The following PIAS2 variants were observed in gnomAD, a reference collection of about 807,000 sequenced individuals.
PIAS2 encodes protein inhibitor of activated STAT 2.
In PIAS2, 19 loss-of-function variants were observed where a neutral mutation model predicts 69.7. The observed-to-expected ratio is 0.27, with a 90% CI of 0.19 to 0.40. The LOEUF is 0.40. Ranked by LOEUF, PIAS2 falls within the 10% of genes least tolerant of loss-of-function variation. PIAS2 has a pLI of 1.00. For missense variants in PIAS2, 624 were observed against 757.0 expected (o/e 0.82, Z 2.06); for synonymous variants, 261 against 263.2 (o/e 0.99, Z 0.08).
chr18:46,915,788 T>C (rs567644831), intron 1 of PIAS2, among the ~76,000 whole-genome samples: 301 of 140,086 alleles, frequency 2.1e-3, no homozygotes, highest in Middle Eastern at 3.7e-3. Context: ...AAGTTTTCAT[T>C]AACAAAAAAA....
In PIAS2 at chr18:46,815,304, A is replaced by C; in HGVS notation, c.1686+8T>G. Reference sequence around the variant, plus strand: ...TACAAATTAGTTGCTTAAATTCAGGATACATACCTGGGGATCAACTGGAAT... The same window carrying C: ...TACAAATTAGTTGCTTAAATTCAGGCTACATACCTGGGGATCAACTGGAAT... On this transcript the variant is annotated splice_region_variant and intron_variant, in intron 13 of 13. Transcript: ENST00000585916. 6.2e-7 allele frequency: 1 copy of C among 1,610,168 alleles called. No individual in the cohort carries two copies. Among genetic ancestry groups the C allele is most frequent in the Non-Finnish European group, 8.5e-7 (1 of 1,176,896 alleles).
intron 2 of PIAS2, among the ~76,000 whole-genome samples, chr18:46,884,591 T>C (rs1269563896): frequency 6.6e-6 from 1 of 151,790 alleles, no homozygotes; most frequent in Non-Finnish European, 1.5e-5. Flanking sequence ...GGATTACAGA[T>C]GTGAGCCACC....
At chr18:46,862,080 C>T (rs888904703) in intron 3 of PIAS2, among the ~76,000 whole-genome samples, 2 of 152,006 alleles carry the variant, frequency 1.3e-5, no homozygotes, top group African/African-American at 4.8e-5. Flanking sequence ...GCCTGTAATC[C>T]CAGCACTTTG....
At chr18:46,830,253 G>GA (rs1341521806) in intron 9 of PIAS2, among the ~76,000 whole-genome samples, 1 of 151,846 alleles carries the variant, frequency 6.6e-6, no homozygotes, top group African/African-American at 2.4e-5. Flanking sequence ...TTAACTTCGA[G>GA]AAAAAAGGAT....
intron 12 of PIAS2, chr18:46,817,233 C>A: frequency 1.0e-6 from 1 of 981,368 alleles, no homozygotes. Flanking sequence ...GTAACTGAAA[C>A]CTTTTTATAA....
chr18:46,832,399 G>T (rs2043772317), intron 9 of PIAS2, among the ~76,000 whole-genome samples: 2 of 151,672 alleles, frequency 1.3e-5, no homozygotes, highest in African/African-American at 4.9e-5. Context: ...CTGGGCGACA[G>T]AGCGAAACTC....
At chr18:46,852,567 T>C (rs2047123427) in intron 5 of PIAS2, 1 of 152,274 alleles carries the variant, frequency 6.6e-6, no homozygotes, top group East Asian at 1.9e-4. Context: ...AGTGGGTGCT[T>C]TGGGACAGAA....
chr18:46,860,518 A>C (rs187321683), intron 3 of PIAS2, among the ~76,000 whole-genome samples: 1 of 152,322 alleles, frequency 6.6e-6, no homozygotes, highest in East Asian at 1.9e-4. Flanking sequence ...AGAGCGCTCA[A>C]AGTGGGTTTC....
At position 46,902,993 on chromosome 18, in the gene PIAS2, A is replaced by G. The variant is rs1225573512; in HGVS notation, c.25-11939T>C. Among the ~76,000 whole-genome samples the G allele has an allele frequency of 2.6e-5, 4 of 152,374 alleles. No homozygotes were observed. The East Asian group carries it at 7.7e-4, about 29-fold the overall frequency. On this transcript the variant is annotated intron_variant, in intron 1 of 13. Transcript: ENST00000585916. Reference sequence around the variant, plus strand: ...ACAGCCTTTCAATATATGGTGCTGGATCAACTGGACACCCATAGACAGAAA... The same window carrying G: ...ACAGCCTTTCAATATATGGTGCTGGGTCAACTGGACACCCATAGACAGAAA...
rs538757387 is a variant in PIAS2, at chr18:46,808,789, G to A, written c.*3644C>T. 8.0e-6 allele frequency: 1 copy of A among 124,730 alleles called. No homozygotes were observed. The highest frequency in any genetic ancestry group is 1.7e-5 in the Non-Finnish European group (1 of 58,856). The allele number at this position is 124,730 out of a possible 1,614,324, so 7.7% of individuals were successfully genotyped here. A position where few individuals can be genotyped will look rare whatever the true frequency, so the allele number is the denominator to read the frequency against. On this transcript the variant is annotated 3_prime_UTR_variant, in exon 14 of 14. Transcript: ENST00000585916. ...CAGGAAAAATTAAGAAAATAAAAAT[G>A]TTTACTAAAGAAAGAATGGTCCGGC...
intron 1 of PIAS2, among the ~76,000 whole-genome samples, chr18:46,893,074 T>G (rs1817927066): frequency 6.6e-6 from 1 of 152,154 alleles, no homozygotes; most frequent in South Asian, 2.1e-4. Flanking sequence ...CAATGTGTGT[T>G]ACCTCTACAG....
intron 11 of PIAS2, among the ~76,000 whole-genome samples, chr18:46,826,299 T>C (rs1381495028): frequency 6.6e-6 from 1 of 152,224 alleles, no homozygotes; most frequent in Non-Finnish European, 1.5e-5. Flanking sequence ...TGTCGCCCAC[T>C]GTGTATGTGC....
chr18:46,856,270 C>G (rs1256633127), intron 3 of PIAS2, among the ~76,000 whole-genome samples: 1 of 151,926 alleles, frequency 6.6e-6, no homozygotes, highest in Non-Finnish European at 1.5e-5. Context: ...CAAAGTGTCT[C>G]ATTACAGGCA....
intron 2 of PIAS2, among the ~76,000 whole-genome samples, chr18:46,884,177 T>C (rs1047713296): frequency 1.3e-5 from 2 of 152,160 alleles, no homozygotes; most frequent in African/African-American, 2.4e-5. Flanking sequence ...TTTCAGAAAG[T>C]AGCAGCTTCA....
chr18:46,901,428 A>C (rs536835102), intron 1 of PIAS2, among the ~76,000 whole-genome samples: 22 of 152,320 alleles, frequency 1.4e-4, no homozygotes, highest in South Asian at 4.1e-4. Flanking sequence ...TTAAACTACA[A>C]ACCAATATTC....
At position 46,840,311 on chromosome 18, in the gene PIAS2, T is replaced by TG. The variant is rs1208630432; in HGVS notation, c.1041+3742dup. On this transcript the variant is annotated intron_variant, in intron 8 of 13. Coordinates refer to ENST00000585916, the MANE Select transcript of PIAS2 (RefSeq NM_004671.5). ...CACATTCCATTAGCCATCAGAGCAA[T>TG]GACATCATCATCATCTATTGGGTAA... 2.0e-5 allele frequency among the ~76,000 whole-genome samples: 3 copies of TG among 152,320 alleles called. No individual in the cohort carries two copies. In the East Asian group the frequency reaches 5.8e-4, roughly 29 times the overall value.
chr18:46,913,561 TAA>T (rs758512713), intron 1 of PIAS2, among the ~76,000 whole-genome samples: 3 of 136,394 alleles, frequency 2.2e-5, no homozygotes, highest in African/African-American at 2.7e-5. Flanking sequence ...GGGAGATCCT[TAA>T]AAAAAAAAAA....
At chr18:46,882,764 C>G (rs1002155318) in intron 2 of PIAS2, among the ~76,000 whole-genome samples, 4 of 152,042 alleles carry the variant, frequency 2.6e-5, no homozygotes, top group African/African-American at 9.7e-5. Context: ...AATAAATTTC[C>G]AGGAAATACT....
intron 2 of PIAS2, among the ~76,000 whole-genome samples, chr18:46,874,785 A>G (rs1443711698): frequency 2.0e-5 from 3 of 152,148 alleles, no homozygotes. Flanking sequence ...AAGGCCTTTT[A>G]GCAGAGACAC....
Sources: gnomAD v4.1 joint callset for allele counts (sites outside exome capture counted in the v4.1 genomes callset) on GRCh38, gnomAD v4.1.1 for gene constraint, MANE v1.5 for transcripts, NCBI Gene and HGNC (gene_info 2026-07-23, HGNC 2026-07-21) for gene names.